DGKB: variants seen among roughly 807,000 people sequenced by gnomAD.
DGKB encodes diacylglycerol kinase beta.
In DGKB, 67 loss-of-function variants were observed where a neutral mutation model predicts 114.3. That is an observed-to-expected ratio of 0.59 (90% confidence interval 0.48 to 0.72). DGKB has a LOEUF of 0.72. DGKB is among the 30% of genes least tolerant of loss of function. The pLI is 0.00. For synonymous variants in DGKB, 398 were observed against 323.1 expected, an observed-to-expected ratio of 1.23 and a Z score of -2.49; for missense variants, 907 against 975.2, an observed-to-expected ratio of 0.93 and a Z score of 0.93.
chr7:14,270,205 T>C (rs1798086113), intron 23 of DGKB, among the ~76,000 whole-genome samples: 1 of 152,160 alleles, frequency 6.6e-6, no homozygotes, highest in Non-Finnish European at 1.5e-5. Context: ...ACTCAGTTTC[T>C]CTCTCATAGG....
rs138626903 is a variant in DGKB at position 14,376,933 on chromosome 7, G to A, written c.1836-31542C>T. Reference sequence around the variant, plus strand: ...GAGAGTTTGAGTTTCAGTCCCTAAAGCCAGGGGCAAGTTTTTCAAGAGACC... The same window carrying A: ...GAGAGTTTGAGTTTCAGTCCCTAAAACCAGGGGCAAGTTTTTCAAGAGACC... On this transcript the variant is annotated intron_variant, in intron 21 of 25. Coordinates refer to ENST00000402815, the MANE Select transcript of DGKB (RefSeq NM_001350709.2). Among the ~76,000 whole-genome samples the A allele has an allele frequency of 7.9e-4, 121 of 152,286 alleles. No individual in the cohort carries two copies. The East Asian group carries it at 0.02, about 26-fold the overall frequency.
At chr7:14,257,244 C>T (rs1584765362) in intron 23 of DGKB, among the ~76,000 whole-genome samples, 1 of 151,966 alleles carries the variant, frequency 6.6e-6, no homozygotes, top group Non-Finnish European at 1.5e-5. Context: ...TAGAATAACT[C>T]ATATTAGTTC....
At chr7:14,971,396 A>T (rs560097383) in intron 1 of DGKB, among the ~76,000 whole-genome samples, 17 of 152,318 alleles carry the variant, frequency 1.1e-4, no homozygotes, top group Middle Eastern at 3.4e-3. Context: ...GAATAATATT[A>T]ACAAAAAGCT....
At chr7:14,912,876 A>C (rs1317736514) in intron 1 of DGKB, among the ~76,000 whole-genome samples, 1 of 152,104 alleles carries the variant, frequency 6.6e-6, no homozygotes, top group Non-Finnish European at 1.5e-5. Flanking sequence ...TACAGAAAGC[A>C]CTTCTCTGTT....
chr7:14,710,096 C>G, intron 6 of DGKB, among the ~76,000 whole-genome samples: 1 of 151,606 alleles, frequency 6.6e-6, no homozygotes, highest in Non-Finnish European at 1.5e-5. Flanking sequence ...TTGTACTGAA[C>G]CTATAGATCT....
chr7:14,929,399 T>A (rs1313165310), intron 1 of DGKB, among the ~76,000 whole-genome samples: 1 of 152,088 alleles, frequency 6.6e-6, no homozygotes, highest in African/African-American at 2.4e-5. Context: ...CATCTGTTAT[T>A]TTTTGATGTG....
chr7:14,283,013 G>A (rs1403328456), intron 23 of DGKB, among the ~76,000 whole-genome samples: 1 of 151,866 alleles, frequency 6.6e-6, no homozygotes, highest in South Asian at 2.1e-4. Flanking sequence ...TTCTGGCCAG[G>A]GCAATTAGTC....
At chr7:14,219,327 C>T (rs982313145) in intron 23 of DGKB, among the ~76,000 whole-genome samples, 1 of 151,748 alleles carries the variant, frequency 6.6e-6, no homozygotes, top group Admixed American at 6.6e-5. Context: ...CTATGTTTAG[C>T]CATTTGATAA....
chr7:14,747,771 A>ACGCGCGCGCGCG (rs1344297768), intron 4 of DGKB, among the ~76,000 whole-genome samples: 3 of 92,120 alleles, frequency 3.3e-5, no homozygotes, highest in African/African-American at 2.1e-4. Context: ...AAACACATCC[A>ACGCGCGCGCGCG]CGCGCACGCA....
At chr7:14,441,740 A>G (rs1263822994) in intron 21 of DGKB, among the ~76,000 whole-genome samples, 1 of 152,054 alleles carries the variant, frequency 6.6e-6, no homozygotes, top group Non-Finnish European at 1.5e-5. Context: ...CTGGTTTGCT[A>G]AAGTTTTTTT....
intron 2 of DGKB, among the ~76,000 whole-genome samples, chr7:14,820,455 T>A (rs1033663285): frequency 3.3e-4 from 50 of 152,162 alleles, no homozygotes; most frequent in African/African-American, 1.2e-3. Flanking sequence ...CTGCAGTGCC[T>A]CTTATTACAG....
intron 23 of DGKB, among the ~76,000 whole-genome samples, chr7:14,270,630 C>G (rs1258307702): frequency 6.6e-6 from 1 of 152,222 alleles, no homozygotes; most frequent in African/African-American, 2.4e-5. Context: ...AAGTTAAAAA[C>G]TATATTTTGG....
chr7:14,769,308 A>C (rs985204809), intron 2 of DGKB, among the ~76,000 whole-genome samples: 42 of 152,014 alleles, frequency 2.8e-4, no homozygotes, highest in African/African-American at 9.6e-4. Context: ...TTAGTTACAA[A>C]GCCAGTTTGA....
At chr7:14,527,232 C>A (rs546493197) in intron 20 of DGKB, among the ~76,000 whole-genome samples, 38 of 152,216 alleles carry the variant, frequency 2.5e-4, no homozygotes, top group South Asian at 2.3e-3. Context: ...TGTATCCAAT[C>A]ATTAGTCCAA....
chr7:14,188,719 T>C (rs1337534133), intron 23 of DGKB, among the ~76,000 whole-genome samples: 4 of 147,426 alleles, frequency 2.7e-5, no homozygotes, highest in Admixed American at 2.7e-4. Flanking sequence ...AAAAATTCTC[T>C]CTGAGGCATA....
At chr7:14,704,458 A>AAAAAAAG (rs1563964612) in intron 6 of DGKB, among the ~76,000 whole-genome samples, 47 of 149,874 alleles carry the variant, frequency 3.1e-4, no homozygotes, top group African/African-American at 1.1e-3. Context: ...AAAAAAAAAA[A>AAAAAAAG]AAAAAAGAAA....
At chr7:14,940,650 T>C (rs1040567242) in intron 1 of DGKB, among the ~76,000 whole-genome samples, 5 of 152,160 alleles carry the variant, frequency 3.3e-5, no homozygotes, top group East Asian at 1.9e-4. Flanking sequence ...TAAGGCCAAA[T>C]TGGAAAGACT....
intron 1 of DGKB, among the ~76,000 whole-genome samples, chr7:14,925,583 T>C (rs1040775425): frequency 3.9e-5 from 6 of 152,202 alleles, no homozygotes; most frequent in African/African-American, 1.4e-4. Flanking sequence ...ATCAAAAATT[T>C]TTAAGTTTCA....
Position 14,701,671 on chromosome 7 carries a change from A to C in DGKB, c.516+10T>G. 1.9e-6 allele frequency: 3 copies of C among 1,602,302 alleles called. No individual in the cohort carries two copies. Among genetic ancestry groups the C allele is most frequent in the Non-Finnish European group, 2.6e-6 (3 of 1,170,040 alleles). On this transcript the variant is annotated intron_variant, in intron 7 of 25. Coordinates refer to ENST00000402815, the MANE Select transcript of DGKB (RefSeq NM_001350709.2). ...GAAGTTTTCACAGAAACTTTGAAGA[A>C]AAAAATTACCGAGCTGTCCAGGAAG... is the stretch of plus-strand genomic sequence containing the variant.
Sources: gnomAD v4.1 joint callset for allele counts (sites outside exome capture counted in the v4.1 genomes callset) on GRCh38, gnomAD v4.1.1 for gene constraint, MANE v1.5 for transcripts, NCBI Gene and HGNC (gene_info 2026-07-23, HGNC 2026-07-21) for gene names.